GABBR2: variants seen among roughly 807,000 people sequenced by gnomAD.
The protein encoded by GABBR2 is gamma-aminobutyric acid type B receptor subunit 2.
In GABBR2, 23 loss-of-function variants were observed where a neutral mutation model predicts 105.6. The ratio of observed to expected loss-of-function variants is 0.22; its 90% CI spans 0.16 to 0.31. The LOEUF (loss-of-function observed/expected upper bound fraction) is 0.31, where lower values mean the gene tolerates loss of function less well. GABBR2 is among the 10% of genes least tolerant of loss of function. The probability of loss-of-function intolerance (pLI) is 1.00; values close to 1 mark genes in which losing one functional copy is unlikely to be tolerated. For missense variants in GABBR2, 734 were observed against 1,245.5 expected (o/e 0.59, Z 6.18); for synonymous variants, 478 against 499.7 (o/e 0.96, Z 0.58).
chr9:98,356,011 A>G (rs1442450174), intron 13 of GABBR2, among the ~76,000 whole-genome samples: 6 of 152,346 alleles, frequency 3.9e-5, no homozygotes, highest in African/African-American at 1.4e-4. Flanking sequence ...AACACGCAAA[A>G]GGAGTCTAGA....
At chr9:98,308,491 T>G (rs1462845232) in intron 14 of GABBR2, among the ~76,000 whole-genome samples, 1 of 152,176 alleles carries the variant, frequency 6.6e-6, no homozygotes, top group Non-Finnish European at 1.5e-5. Context: ...GAATGTGACC[T>G]TATTTGGAAA....
chr9:98,426,318 C>T (rs1230912399), intron 7 of GABBR2, among the ~76,000 whole-genome samples: 5 of 152,220 alleles, frequency 3.3e-5, no homozygotes, highest in Admixed American at 3.3e-4. Context: ...ATAGCAATCC[C>T]AAGATGGCAT....
At chr9:98,514,749 T>G (rs545801778) in intron 3 of GABBR2, among the ~76,000 whole-genome samples, 1 of 151,994 alleles carries the variant, frequency 6.6e-6, no homozygotes, top group South Asian at 2.1e-4. Flanking sequence ...TGTATATATA[T>G]GTAACAAATC....
chr9:98,514,005 C>T (rs1298512907), intron 3 of GABBR2, among the ~76,000 whole-genome samples: 1 of 152,076 alleles, frequency 6.6e-6, no homozygotes, highest in Admixed American at 6.6e-5. Flanking sequence ...TTGGAACCAA[C>T]CTAAATATCC....
intron 2 of GABBR2, among the ~76,000 whole-genome samples, chr9:98,551,797 A>T (rs976917788): frequency 1.2e-4 from 19 of 152,070 alleles, no homozygotes; most frequent in African/African-American, 4.6e-4. Flanking sequence ...TTTAGGCTTA[A>T]CCCTGTCCCT....
Position 98,605,959 on chromosome 9 carries a change from G to A in GABBR2, c.322-27887C>T, listed in dbSNP as rs185393337. On this transcript the variant is annotated intron_variant, in intron 1 of 18. Coordinates refer to ENST00000259455, the MANE Select transcript of GABBR2 (RefSeq NM_005458.8). ...CCCACTACAGGCCCCGGTGTGTGAT[G>A]TTCCCCTTCCTGTGTCCAAGCATTC... Among the ~76,000 whole-genome samples, 6 of 151,942 alleles carry A rather than the reference G, an allele frequency of 3.9e-5. No individual in the cohort carries two copies. In the East Asian group the frequency reaches 9.7e-4, roughly 25 times the overall value.
intron 1 of GABBR2, among the ~76,000 whole-genome samples, chr9:98,598,642 C>T (rs558710567): frequency 1.0e-3 from 10 of 9,624 alleles, no homozygotes; most frequent in African/African-American, 3.1e-3. Flanking sequence ...TAACTTGGGG[C>T]GGGTGGGGTG....
chr9:98,567,035 C>G (rs1828761732), intron 2 of GABBR2, among the ~76,000 whole-genome samples: 1 of 152,118 alleles, frequency 6.6e-6, no homozygotes, highest in African/African-American at 2.4e-5. Context: ...ATCTGTAATT[C>G]CAGACTCAAC....
intron 9 of GABBR2, among the ~76,000 whole-genome samples, chr9:98,390,158 T>C (rs1019243705): frequency 1.3e-5 from 2 of 152,222 alleles, no homozygotes; most frequent in Admixed American, 1.3e-4. Flanking sequence ...GTGGATCACT[T>C]GAGGTCAGGA....
chr9:98,552,063 G>A (rs1828496671), intron 2 of GABBR2: 1 of 152,232 alleles, frequency 6.6e-6, no homozygotes, highest in Non-Finnish European at 1.5e-5. Flanking sequence ...GACGAAAAAT[G>A]TAAACTCATC....
intron 2 of GABBR2, among the ~76,000 whole-genome samples, chr9:98,571,687 T>C (rs2131774122): frequency 6.6e-6 from 1 of 152,324 alleles, no homozygotes; most frequent in East Asian, 1.9e-4. Context: ...GGTCTATGCC[T>C]ACTCTGTGTA....
intron 13 of GABBR2, among the ~76,000 whole-genome samples, chr9:98,338,613 A>G (rs1831156068): frequency 6.6e-6 from 1 of 152,210 alleles, no homozygotes; most frequent in South Asian, 2.1e-4. Context: ...TATAATCAAA[A>G]AGGCAGATAA....
intron 1 of GABBR2, among the ~76,000 whole-genome samples, chr9:98,664,775 C>T (rs900141004): frequency 6.6e-6 from 1 of 152,130 alleles, no homozygotes; most frequent in Non-Finnish European, 1.5e-5. Context: ...AGGTGCCTAC[C>T]ACATCAGGGA....
chr9:98,374,404 T>A (rs1831836534), intron 11 of GABBR2, among the ~76,000 whole-genome samples: 1 of 152,226 alleles, frequency 6.6e-6, no homozygotes, highest in Non-Finnish European at 1.5e-5. Context: ...GGCCTGAGAC[T>A]GTTATCTTTA....
At chr9:98,317,339 A>G (rs867034675) in intron 13 of GABBR2, among the ~76,000 whole-genome samples, 57 of 152,272 alleles carry the variant, frequency 3.7e-4, no homozygotes, top group African/African-American at 1.3e-3. Flanking sequence ...AAAGGAGAGC[A>G]GCTGGCCCGA....
At position 98,547,529 on chromosome 9, in the gene GABBR2, C is replaced by T. The variant is rs1828422330; in HGVS notation, c.460-5486G>A. ...ATCCATATCTGTCCTATTTTCTTTT[C>T]ATAATTGCATCTCTTAGTCCTTGTC... On this transcript the variant is annotated intron_variant, in intron 2 of 18. Transcript: ENST00000259455. Among the ~76,000 whole-genome samples the T allele has an allele frequency of 1.7e-5, 2 of 119,250 alleles. 1 individual carries two copies. Among genetic ancestry groups the T allele is most frequent in the Non-Finnish European group, 3.7e-5 (2 of 53,496 alleles). 78.2% of individuals were successfully genotyped at this position (119,250 alleles called of 152,430 possible).
chr9:98,301,931 CTG>C (rs1830475982), intron 16 of GABBR2, among the ~76,000 whole-genome samples: 1 of 152,200 alleles, frequency 6.6e-6, no homozygotes, highest in Admixed American at 6.5e-5. Flanking sequence ...TGGCAGAATT[CTG>C]TGAGCCCCCC....
intron 13 of GABBR2, among the ~76,000 whole-genome samples, chr9:98,319,278 C>T (rs1337720622): frequency 2.6e-5 from 4 of 152,152 alleles, no homozygotes; most frequent in Non-Finnish European, 5.9e-5. Context: ...TTATTATCCC[C>T]CACTGCAGAC....
chr9:98,624,232 C>T (rs534623180), intron 1 of GABBR2, among the ~76,000 whole-genome samples: 12 of 152,178 alleles, frequency 7.9e-5, no homozygotes, highest in Non-Finnish European at 1.5e-4. Context: ...TCCCCTTGGA[C>T]TCACAGGCAG....
Sources: allele counts gnomAD v4.1 joint callset (sites outside exome capture counted in the v4.1 genomes callset), GRCh38; gene constraint gnomAD v4.1.1; transcripts MANE v1.5; gene names NCBI Gene and HGNC (gene_info 2026-07-23, HGNC 2026-07-21).